The following UNC119B variants were observed in gnomAD, a reference collection of about 807,000 sequenced individuals.
The protein encoded by UNC119B is protein unc-119 homolog B.
A neutral mutation model predicts 23.4 loss-of-function variants in UNC119B; 16 were observed. That is an observed-to-expected ratio of 0.68 (90% CI 0.46 to 1.04). UNC119B has a LOEUF of 1.04. UNC119B is among the 50% of genes least tolerant of loss of function. The pLI is 0.00. For synonymous variants in UNC119B, 144 were observed against 145.4 expected, an observed-to-expected ratio of 0.99 and a Z score of 0.07; for missense variants, 350 against 361.3, an observed-to-expected ratio of 0.97 and a Z score of 0.25.
chr12:120,719,247 G>A (rs1882841445), intron 4 of UNC119B, among the ~76,000 whole-genome samples: 1 of 152,186 alleles, frequency 6.6e-6, no homozygotes, highest in Non-Finnish European at 1.5e-5. Context: ...ACTCAAAACT[G>A]ATCAGAGGTA....
chr12:120,718,095 C>T (rs986347998), intron 4 of UNC119B, among the ~76,000 whole-genome samples: 1 of 152,190 alleles, frequency 6.6e-6, no homozygotes, highest in African/African-American at 2.4e-5. Flanking sequence ...GTCCCAATCT[C>T]CTGACCTCGT....
chr12:120,712,377 C>G (rs1334433279), intron 1 of UNC119B, among the ~76,000 whole-genome samples: 1 of 152,198 alleles, frequency 6.6e-6, no homozygotes, highest in Non-Finnish European at 1.5e-5. Context: ...ACAACTAACT[C>G]AGGCAATAAA....
intron 2 of UNC119B, among the ~76,000 whole-genome samples, chr12:120,714,267 C>T (rs1401201566): frequency 6.6e-6 from 1 of 152,038 alleles, no homozygotes; most frequent in Non-Finnish European, 1.5e-5. Flanking sequence ...GACCAAGGCA[C>T]CTAAAGGCTC....
intron 4 of UNC119B, 146 bp downstream of exon 4, chr12:120,717,188 A>G (rs1882799706): frequency 6.5e-6 from 5 of 771,854 alleles, no homozygotes; most frequent in Non-Finnish European, 8.0e-6. Context: ...CAGGCTTCTC[A>G]TTTCCTATTG....
chr12:120,718,253 T>A (rs1387329680), intron 4 of UNC119B, among the ~76,000 whole-genome samples: 1 of 152,212 alleles, frequency 6.6e-6, no homozygotes, highest in Non-Finnish European at 1.5e-5. Flanking sequence ...AGGAGGCCTG[T>A]GACCATCCCT....
chr12:120,717,869 T>G (rs899319093), intron 4 of UNC119B, among the ~76,000 whole-genome samples: 12 of 139,434 alleles, frequency 8.6e-5, no homozygotes, highest in African/African-American at 3.2e-4. Context: ...AGTCTGAAGG[T>G]TTTTTTTTTT....
chr12:120,721,937 A>G lies in UNC119B; in HGVS notation c.*1905A>G, dbSNP rs568784990. On this transcript the variant is annotated 3_prime_UTR_variant, in exon 5 of 5. Coordinates refer to ENST00000344651, the MANE Select transcript of UNC119B (RefSeq NM_001080533.3). ...TCTGTTTCTCATTGTGGCTCCTCAA[A>G]TGGGATTTGCATGTTCCTGTCAAGC... 2.0e-4 allele frequency: 30 copies of G among 152,764 alleles called. No individual in the cohort carries two copies. The highest frequency in any genetic ancestry group is 7.2e-4 in the African/African-American group (30 of 41,570). 9.5% of individuals were successfully genotyped at this position (152,764 alleles called of 1,614,324 possible).
chr12:120,713,462 A>T, intron 2 of UNC119B, 75 bp downstream of exon 2: 1 of 1,120,562 alleles, frequency 8.9e-7, no homozygotes, highest in South Asian at 1.3e-5. Context: ...TTTGTGTGCC[A>T]CTGCATCCTG....
intron 4 of UNC119B, among the ~76,000 whole-genome samples, chr12:120,717,888 T>G: frequency 6.6e-6 from 1 of 151,024 alleles, no homozygotes; most frequent in South Asian, 2.1e-4. Context: ...TTTTTCTTTT[T>G]GAGACGGAGT....
At chr12:120,719,266 T>TA (rs942622290) in intron 4 of UNC119B, among the ~76,000 whole-genome samples, 4 of 152,196 alleles carry the variant, frequency 2.6e-5, no homozygotes, top group African/African-American at 9.7e-5. Context: ...TAGTGACTGT[T>TA]AATTATCTTT....
At chr12:120,718,182 A>T (rs879175107) in intron 4 of UNC119B, among the ~76,000 whole-genome samples, 2 of 152,020 alleles carry the variant, frequency 1.3e-5, no homozygotes, top group Admixed American at 1.3e-4. Flanking sequence ...TGAAGGTTTT[A>T]ATAATACAGG....
In UNC119B at chr12:120,710,528, G is replaced by C. The variant is rs765667509; in HGVS notation, c.54G>C (p.Gly18=). 1 of 1,371,726 alleles carries C rather than the reference G, an allele frequency of 7.3e-7. No individual in the cohort carries two copies. The highest frequency in any genetic ancestry group is 3.1e-5 in the East Asian group (1 of 32,778). The allele number at this position is 1,371,726 out of a possible 1,614,324, so 85.0% of individuals were successfully genotyped here. The change falls in exon 1 of 5, where the codon GGG becomes GGC. Residue 18 remains glycine, a synonymous_variant. Coordinates refer to ENST00000344651, the MANE Select transcript of UNC119B (RefSeq NM_001080533.3). ...AAAAASAAGP[G]GLVAGKEEKK... is the part of the protein sequence containing the mutation. ...CCGCGGCGTCGGCGGCTGGGCCCGG[G>C]GGGCTGGTGGCTGGCAAGGAGGAGA...
intron 2 of UNC119B, 63 bp from the exon 3 acceptor site, chr12:120,716,565 T>C: frequency 6.4e-7 from 1 of 1,565,520 alleles, no homozygotes; most frequent in Admixed American, 1.7e-5. Context: ...TTGGGACTGG[T>C]GATAGAACTC....
Position 120,710,660 on chromosome 12 carries a change from G to C in UNC119B, c.186G>C (p.Leu62=). 1 of 1,452,426 alleles carries C rather than the reference G, an allele frequency of 6.9e-7. No homozygotes were observed. Among genetic ancestry groups the C allele is most frequent in the South Asian group, 1.3e-5 (1 of 75,650 alleles). 90.0% of individuals were successfully genotyped at this position (1,452,426 alleles called of 1,614,324 possible). ...GGGCAGCGGTCACGGAGCAGGAGCTGCTGGCGCTGGACACCATCCGGCCCG... is the reference window on the plus strand; with the variant it reads ...GGGCAGCGGTCACGGAGCAGGAGCTCCTGGCGCTGGACACCATCCGGCCCG... ...GVGAAVTEQE[L]LALDTIRPEH... is the part of the protein sequence containing the mutation. Residue 62 remains leucine, a synonymous_variant, in exon 1 of 5, where the codon CTG becomes CTC. Transcript: ENST00000344651.
intron 2 of UNC119B, among the ~76,000 whole-genome samples, chr12:120,716,395 C>T (rs1474321997): frequency 1.3e-5 from 2 of 152,244 alleles, no homozygotes; most frequent in African/African-American, 2.4e-5. Flanking sequence ...CTTCTCTGAA[C>T]TTGAGCTTCC....
chr12:120,711,097 G>C (rs1882656660), intron 1 of UNC119B: 1 of 163,030 alleles, frequency 6.1e-6, no homozygotes, highest in African/African-American at 2.4e-5. Context: ...TGGAACCCCC[G>C]GCCATCAGTG....
chr12:120,710,564 GGGC>G lies in UNC119B; in HGVS notation c.98_100del (p.Gly33del). On this transcript the variant is annotated inframe_deletion, in exon 1 of 5. Transcript: ENST00000344651. Reference sequence around the variant, plus strand: ...CTGGCAAGGAGGAGAAGAAGAAGGCGGGCGGCGGCGTCCTGAACCGCCTGAAGG... The same window carrying G: ...CTGGCAAGGAGGAGAAGAAGAAGGCGGGCGGCGTCCTGAACCGCCTGAAGG... 1 of 1,395,690 alleles carries G rather than the reference GGGC, an allele frequency of 7.2e-7. No homozygotes were observed. The highest frequency in any genetic ancestry group is 9.2e-7 in the Non-Finnish European group (1 of 1,082,554). 86.5% of individuals were successfully genotyped at this position (1,395,690 alleles called of 1,614,324 possible).
intron 1 of UNC119B, among the ~76,000 whole-genome samples, chr12:120,712,089 T>C (rs2136928774): frequency 6.6e-6 from 1 of 152,260 alleles, no homozygotes; most frequent in Non-Finnish European, 1.5e-5. Context: ...TGAGTTAGGG[T>C]ATTCTGTGCC....
rs981822754 is a variant in UNC119B at position 120,721,333 on chromosome 12, A to T, written c.*1301A>T. On this transcript the variant is annotated 3_prime_UTR_variant, in exon 5 of 5. Coordinates refer to ENST00000344651, the MANE Select transcript of UNC119B (RefSeq NM_001080533.3). Reference sequence around the variant, plus strand: ...TTGTCCTCAGACCCTTAGTGGACAGACTCCACAAACCCTCTGATGAGACGA... The same window carrying T: ...TTGTCCTCAGACCCTTAGTGGACAGTCTCCACAAACCCTCTGATGAGACGA... 2 of 152,190 alleles carry T rather than the reference A, an allele frequency of 1.3e-5. No homozygotes were observed. Among genetic ancestry groups the T allele is most frequent in the Non-Finnish European group, 2.9e-5 (2 of 68,042 alleles). 9.4% of individuals were successfully genotyped at this position (152,190 alleles called of 1,614,324 possible). A position where few individuals can be genotyped will look rare whatever the true frequency, so the allele number is the denominator to read the frequency against.
Sources: allele counts gnomAD v4.1 joint callset (sites outside exome capture counted in the v4.1 genomes callset), GRCh38; gene constraint gnomAD v4.1.1; transcripts MANE v1.5; gene names NCBI Gene and HGNC (gene_info 2026-07-23, HGNC 2026-07-21).